KIAA1328: variants seen among roughly 807,000 people sequenced by gnomAD.
KIAA1328 encodes protein hinderin.
KIAA1328 carries 52 observed loss-of-function variants against 68.1 expected under a neutral mutation model. That is an observed-to-expected ratio of 0.76 (90% CI 0.61 to 0.96). KIAA1328 has a LOEUF of 0.96. KIAA1328 is among the 40% of genes least tolerant of loss of function. The pLI, the probability that KIAA1328 is intolerant of heterozygous loss-of-function variation, is 0.00. For synonymous variants in KIAA1328, 232 were observed against 239.4 expected, an observed-to-expected ratio of 0.97 and a Z score of 0.28; for missense variants, 641 against 677.6, an observed-to-expected ratio of 0.95 and a Z score of 0.60.
intron 5 of KIAA1328, among the ~76,000 whole-genome samples, chr18:36,958,132 G>A (rs183056654): frequency 2.6e-5 from 4 of 152,070 alleles, no homozygotes; most frequent in Non-Finnish European, 4.4e-5. Flanking sequence ...GCAGGTAGCA[G>A]TACTTCATTG....
At chr18:36,840,828 TG>T (rs1230525211) in intron 3 of KIAA1328, among the ~76,000 whole-genome samples, 11 of 152,108 alleles carry the variant, frequency 7.2e-5, no homozygotes, top group Admixed American at 7.2e-4. Flanking sequence ...GATTTCACAG[TG>T]GTAATTAGGT....
intron 6 of KIAA1328, among the ~76,000 whole-genome samples, chr18:36,992,451 C>CTTTTTTTTTTTTTTTT (rs71168252): frequency 3.8e-5 from 5 of 130,098 alleles, no homozygotes; most frequent in African/African-American, 1.7e-4. Context: ...TCTTTTCTTT[C>CTTTTTTTTTTTTTTTT]TTTTTTTTTT....
In KIAA1328 at chr18:37,126,861, C is replaced by G. The variant is rs568095485; in HGVS notation, c.1233-33339C>G. On this transcript the variant is annotated intron_variant, in intron 7 of 9. Transcript: ENST00000280020. ...AGAAAAACCACCTGATTTGTTTCAACAAATGCAAAAAGTTGACATCCATTC... is the reference window on the plus strand; with the variant it reads ...AGAAAAACCACCTGATTTGTTTCAAGAAATGCAAAAAGTTGACATCCATTC... 7.2e-5 allele frequency among the ~76,000 whole-genome samples: 11 copies of G among 152,168 alleles called. 1 individual carries two copies. In the South Asian group the frequency reaches 2.3e-3, roughly 32 times the overall value.
At chr18:36,939,930 TG>T (rs2050642930) in intron 5 of KIAA1328, among the ~76,000 whole-genome samples, 1 of 152,198 alleles carries the variant, frequency 6.6e-6, no homozygotes, top group African/African-American at 2.4e-5. Flanking sequence ...CTTTTATATA[TG>T]TCTTTTTAGG....
intron 7 of KIAA1328, among the ~76,000 whole-genome samples, chr18:37,095,147 A>G (rs773137849): frequency 2.6e-5 from 4 of 152,204 alleles, no homozygotes; most frequent in East Asian, 1.9e-4. Context: ...GGGAACTTCA[A>G]CACTCCACTT....
intron 6 of KIAA1328, among the ~76,000 whole-genome samples, chr18:37,001,716 A>T (rs2053591505): frequency 6.6e-6 from 1 of 152,170 alleles, no homozygotes; most frequent in Admixed American, 6.5e-5. Flanking sequence ...AAATCAGTAA[A>T]TGTAGAACAT....
chr18:36,898,384 T>C (rs928758437), intron 5 of KIAA1328, among the ~76,000 whole-genome samples: 2 of 151,944 alleles, frequency 1.3e-5, no homozygotes, highest in African/African-American at 4.8e-5. Context: ...TGTTTGTTGC[T>C]AAAAATAAGT....
At chr18:36,879,511 C>T (rs2048258843) in intron 4 of KIAA1328, among the ~76,000 whole-genome samples, 1 of 152,218 alleles carries the variant, frequency 6.6e-6, no homozygotes, top group Non-Finnish European at 1.5e-5. Context: ...CAGAGACTCA[C>T]TTGAAGAGGC....
chr18:37,071,410 C>T (rs1470971972), intron 7 of KIAA1328, among the ~76,000 whole-genome samples: 2 of 152,050 alleles, frequency 1.3e-5, no homozygotes, highest in East Asian at 1.9e-4. Context: ...ATATGATTTC[C>T]CATATGGTTG....
chr18:37,016,086 G>A (rs192606159), intron 6 of KIAA1328, among the ~76,000 whole-genome samples: 61 of 152,214 alleles, frequency 4.0e-4, no homozygotes, highest in Admixed American at 1.2e-3. Context: ...AGTTATCAAG[G>A]GGAATGCTTC....
chr18:37,103,264 A>G (rs968040832), intron 7 of KIAA1328, among the ~76,000 whole-genome samples: 3 of 152,200 alleles, frequency 2.0e-5, no homozygotes, highest in African/African-American at 4.8e-5. Context: ...TATATTAGAA[A>G]GGTATAGTAA....
intron 7 of KIAA1328, among the ~76,000 whole-genome samples, chr18:37,126,984 G>A (rs935733372): frequency 6.6e-6 from 1 of 152,086 alleles, no homozygotes; most frequent in Non-Finnish European, 1.5e-5. Context: ...AATATTTTGT[G>A]GTAAAAGACT....
chr18:37,111,214 CAAG>C (rs769137244), intron 7 of KIAA1328, among the ~76,000 whole-genome samples: 1 of 152,208 alleles, frequency 6.6e-6, no homozygotes, highest in Non-Finnish European at 1.5e-5. Flanking sequence ...GGCAGGCTAT[CAAG>C]AAGATCAGGC....
At chr18:37,196,256 C>G (rs1355677678) in intron 9 of KIAA1328, among the ~76,000 whole-genome samples, 2 of 152,012 alleles carry the variant, frequency 1.3e-5, no homozygotes, top group Non-Finnish European at 1.5e-5. Context: ...TAATTTCTTC[C>G]TTTTCAATTT....
rs188151151 is a variant in KIAA1328, at chr18:36,973,818, C to T, written c.576+14383C>T. Among the ~76,000 whole-genome samples, 224 of 117,046 alleles carry T rather than the reference C, an allele frequency of 1.9e-3. 1 individual carries two copies. Among genetic ancestry groups the T allele is most frequent in the African/African-American group, 7.0e-3 (212 of 30,420 alleles). 76.8% of individuals were successfully genotyped at this position (117,046 alleles called of 152,430 possible). A position where few individuals can be genotyped will look rare whatever the true frequency, so the allele number is the denominator to read the frequency against. Reference sequence around the variant, plus strand: ...ATAATTGTGTGTACGCACATACACACACACACACACATACACACACACACA... The same window carrying T: ...ATAATTGTGTGTACGCACATACACATACACACACACATACACACACACACA... On this transcript the variant is annotated intron_variant, in intron 6 of 9. Coordinates refer to ENST00000280020, the MANE Select transcript of KIAA1328 (RefSeq NM_020776.3).
intron 4 of KIAA1328, among the ~76,000 whole-genome samples, chr18:36,847,054 T>A (rs1418213517): frequency 6.6e-6 from 1 of 151,616 alleles, no homozygotes; most frequent in Non-Finnish European, 1.5e-5. Flanking sequence ...ATCTGGCTTA[T>A]TTTACAGCAT....
chr18:37,074,728 T>G, intron 7 of KIAA1328: 1 of 160,542 alleles, frequency 6.2e-6, no homozygotes, highest in Non-Finnish European at 1.4e-5. Context: ...CTTCTTTGCC[T>G]TTGGTTTGAA....
intron 6 of KIAA1328, among the ~76,000 whole-genome samples, chr18:37,022,710 T>C (rs1439606472): frequency 2.0e-5 from 3 of 152,188 alleles, no homozygotes; most frequent in Non-Finnish European, 4.4e-5. Context: ...TCAAATTTAC[T>C]CCCATAGCTT....
chr18:37,134,933 C>A (rs895479192), intron 7 of KIAA1328, among the ~76,000 whole-genome samples: 3 of 152,140 alleles, frequency 2.0e-5, no homozygotes, highest in African/African-American at 4.8e-5. Context: ...TTCCCACTTA[C>A]AAGTGAGAAC....
Sources: allele counts gnomAD v4.1 joint callset (sites outside exome capture counted in the v4.1 genomes callset), GRCh38; gene constraint gnomAD v4.1.1; transcripts MANE v1.5; gene names NCBI Gene and HGNC (gene_info 2026-07-23, HGNC 2026-07-21).